DTNA: variants seen among roughly 807,000 people sequenced by gnomAD.
DTNA encodes the protein dystrobrevin alpha.
DTNA carries 43 observed loss-of-function variants against 100.7 expected under a neutral mutation model. The observed-to-expected ratio is 0.43, with a 90% CI of 0.33 to 0.55. The LOEUF is 0.55. Among genes scored for constraint, DTNA ranks in the 20% least tolerant of loss-of-function variants. DTNA has a pLI of 0.04. For synonymous variants in DTNA, 349 were observed against 347.9 expected, an observed-to-expected ratio of 1.00 and a Z score of -0.04; for missense variants, 798 against 953.9, an observed-to-expected ratio of 0.84 and a Z score of 2.15.
In DTNA at chr18:34,794,045, G is replaced by T; in HGVS notation, c.157G>T (p.Val53Leu). ...FVQKKCNLHL[V>L]DIWNVIEALR... Reference sequence around the variant, plus strand: ...CTCTGCTTTAATTGTAGTGCACCTGGTGGACATATGGAATGTCATAGAAGC... The same window carrying T: ...CTCTGCTTTAATTGTAGTGCACCTGTTGGACATATGGAATGTCATAGAAGC... Residue 53 changes from valine to leucine, a missense_variant, in exon 4 of 23, where the codon GTG becomes TTG. Physicochemically the swap from Val to Leu is conservative, Grantham distance 32. This residue lies in a region of DTNA where 197 missense variants were observed against 215.4 expected (regional missense o/e 0.91). Coordinates refer to ENST00000444659, the MANE Select transcript of DTNA (RefSeq NM_001386795.1). The T allele has an allele frequency of 2.5e-6, 4 of 1,613,926 alleles. No homozygotes were observed. Among genetic ancestry groups the T allele is most frequent in the Non-Finnish European group, 3.4e-6 (4 of 1,179,948 alleles).
chr18:34,830,167 C>T (rs2095970335), intron 11 of DTNA, among the ~76,000 whole-genome samples: 1 of 151,906 alleles, frequency 6.6e-6, no homozygotes, highest in Admixed American at 6.6e-5. Context: ...TGAAACAGAA[C>T]CAAAGAAATA....
At chr18:34,852,978 C>T (rs1355246236) in intron 15 of DTNA, among the ~76,000 whole-genome samples, 2 of 152,136 alleles carry the variant, frequency 1.3e-5, no homozygotes, top group African/African-American at 2.4e-5. Flanking sequence ...TGGACTGAAA[C>T]GGAAGTTCTT....
chr18:34,531,200 C>T (rs2043107685), intron 1 of DTNA, among the ~76,000 whole-genome samples: 1 of 152,030 alleles, frequency 6.6e-6, no homozygotes, highest in Admixed American at 6.6e-5. Context: ...GTGTTTTAAC[C>T]CTGAATATAA....
chr18:34,541,561 A>G (rs1201887943), intron 1 of DTNA, among the ~76,000 whole-genome samples: 5 of 152,132 alleles, frequency 3.3e-5, no homozygotes, highest in East Asian at 1.9e-4. Context: ...TTTGCCTGCA[A>G]CCATGATTGT....
At chr18:34,694,600 G>T (rs574100997) in intron 1 of DTNA, among the ~76,000 whole-genome samples, 20 of 152,140 alleles carry the variant, frequency 1.3e-4, no homozygotes, top group Non-Finnish European at 4.4e-5. Context: ...ACTTTTGTCT[G>T]TGTATAATAT....
At chr18:34,836,914 T>A (rs1324304895) in intron 11 of DTNA, among the ~76,000 whole-genome samples, 3 of 152,104 alleles carry the variant, frequency 2.0e-5, no homozygotes, top group African/African-American at 7.2e-5. Context: ...ATAGTTCTAA[T>A]GTGTTATGTA....
intron 22 of DTNA, 89 bp downstream of exon 22, chr18:34,884,865 G>A (rs1371544139): frequency 6.9e-7 from 1 of 1,445,910 alleles, no homozygotes; most frequent in Non-Finnish European, 9.7e-7. Context: ...ACTTCTCTTA[G>A]TCATTTCTTT....
At chr18:34,790,055 T>C (rs1023665704) in intron 3 of DTNA, among the ~76,000 whole-genome samples, 5 of 152,240 alleles carry the variant, frequency 3.3e-5, no homozygotes, top group Non-Finnish European at 4.4e-5. Context: ...CTATGCCTTA[T>C]TGCATTTTAG....
intron 1 of DTNA, among the ~76,000 whole-genome samples, chr18:34,670,914 C>T (rs1039463726): frequency 6.6e-6 from 1 of 152,206 alleles, no homozygotes; most frequent in Non-Finnish European, 1.5e-5. Context: ...AGATCTCAAA[C>T]TCTGTACTGG....
intron 1 of DTNA, among the ~76,000 whole-genome samples, chr18:34,731,889 G>A (rs537793217): frequency 6.6e-6 from 1 of 152,330 alleles, no homozygotes; most frequent in Admixed American, 6.5e-5. Flanking sequence ...GGAAAGAAGT[G>A]ACAGGGCAGG....
chr18:34,773,076 C>T (rs2093865406), intron 3 of DTNA, among the ~76,000 whole-genome samples: 1 of 152,206 alleles, frequency 6.6e-6, no homozygotes, highest in Admixed American at 6.5e-5. Flanking sequence ...CTAGAGTGTC[C>T]TCTCTGACTT....
chr18:34,506,009 G>A (rs1457098242), intron 1 of DTNA, among the ~76,000 whole-genome samples: 1 of 152,206 alleles, frequency 6.6e-6, no homozygotes, highest in African/African-American at 2.4e-5. Flanking sequence ...TCAGTGCCAG[G>A]TGGGGGGTAG....
intron 1 of DTNA, among the ~76,000 whole-genome samples, chr18:34,721,003 A>G (rs1302210672): frequency 1.3e-5 from 2 of 152,206 alleles, no homozygotes; most frequent in African/African-American, 4.8e-5. Flanking sequence ...CTAAATTTGT[A>G]TGGTGATTTA....
At chr18:34,758,588 C>T (rs537016882) in intron 2 of DTNA, among the ~76,000 whole-genome samples, 4 of 152,286 alleles carry the variant, frequency 2.6e-5, no homozygotes, top group African/African-American at 9.6e-5. Flanking sequence ...CTTCTACCCT[C>T]CTGATAAGAC....
intron 13 of DTNA, among the ~76,000 whole-genome samples, chr18:34,839,072 A>C (rs138185937): frequency 5.4e-4 from 82 of 152,300 alleles, no homozygotes; most frequent in African/African-American, 1.9e-3. Flanking sequence ...GCATAAAGGG[A>C]TGCCTTGCTA....
chr18:34,730,159 A>G (rs1202674235), intron 1 of DTNA, among the ~76,000 whole-genome samples: 1 of 152,200 alleles, frequency 6.6e-6, no homozygotes, highest in Non-Finnish European at 1.5e-5. Context: ...CAAGTTCTGC[A>G]TTTGCTCCCC....
Position 34,766,054 on chromosome 18 carries a change from G to C in DTNA, c.148+13G>C. 1 of 1,613,190 alleles carries C rather than the reference G, an allele frequency of 6.2e-7. No individual in the cohort carries two copies. Among genetic ancestry groups the C allele is most frequent in the Non-Finnish European group, 8.5e-7 (1 of 1,179,336 alleles). On this transcript the variant is annotated intron_variant, in intron 3 of 22. Coordinates refer to ENST00000444659, the MANE Select transcript of DTNA (RefSeq NM_001386795.1). The stretch of plus-strand genomic sequence containing the variant: ...AAGAAATGCAATTGTAAGTATGCCA[G>C]TTGTTTGGACTAATTACCATCATGA...
At chr18:34,567,847 C>T (rs1235621774) in intron 1 of DTNA, among the ~76,000 whole-genome samples, 6 of 152,092 alleles carry the variant, frequency 3.9e-5, no homozygotes, top group South Asian at 2.1e-4. Context: ...GCCTTTCACC[C>T]GAGAGAAAAT....
upstream of DTNA, among the ~76,000 whole-genome samples, chr18:34,708,964 C>T (rs1483366009): frequency 2.6e-5 from 4 of 152,108 alleles, no homozygotes; most frequent in African/African-American, 9.7e-5. Flanking sequence ...TGGGCTAGAG[C>T]CAGATTTCAA....
Sources: gnomAD v4.1 joint callset for allele counts (sites outside exome capture counted in the v4.1 genomes callset) on GRCh38, gnomAD v4.1.1 for gene constraint, gnomAD v4.1.1 regional missense constraint, MANE v1.5 for transcripts, NCBI Gene and HGNC (gene_info 2026-07-23, HGNC 2026-07-21) for gene names.